The following ECM2 variants were observed in gnomAD, a reference collection of about 807,000 sequenced individuals.
ECM2 encodes the protein extracellular matrix protein 2, female organ and adipocyte specific.
ECM2 carries 57 observed loss-of-function variants against 67.5 expected under a neutral mutation model. The observed-to-expected ratio is 0.84, with a 90% CI of 0.68 to 1.05. The LOEUF is 1.05. Among genes scored for constraint, ECM2 ranks in the 50% least tolerant of loss-of-function variants. The probability of loss-of-function intolerance (pLI) is 0.00; values close to 1 mark genes in which losing one functional copy is unlikely to be tolerated. For synonymous variants in ECM2, 258 were observed against 294.5 expected (o/e 0.88, Z 1.27); for missense variants, 741 against 822.8 (o/e 0.90, Z 1.22).
intron 9 of ECM2, among the ~76,000 whole-genome samples, chr9:92,496,932 A>G (rs1846378667): frequency 6.6e-6 from 1 of 150,778 alleles, no homozygotes; most frequent in Non-Finnish European, 1.5e-5. Flanking sequence ...TTTTATTTAT[A>G]AGGTTTGCAA....
chr9:92,530,375 C>T (rs983489081), intron 1 of ECM2, among the ~76,000 whole-genome samples: 124 of 152,126 alleles, frequency 8.2e-4, no homozygotes, highest in African/African-American at 2.8e-3. Flanking sequence ...CTGTACTTTC[C>T]ACTCAGTTTG....
intron 2 of ECM2, among the ~76,000 whole-genome samples, chr9:92,520,380 ATTAGTTG>A (rs1847991071): frequency 6.6e-6 from 1 of 152,192 alleles, no homozygotes; most frequent in African/African-American, 2.4e-5. Flanking sequence ...GCTTAACATC[ATTAGTTG>A]TTAGGGAAAT....
chr9:92,517,571 T>G, intron 3 of ECM2, 116 bp downstream of exon 3: 1 of 1,392,050 alleles, frequency 7.2e-7, no homozygotes, highest in South Asian at 1.3e-5. Context: ...TGCCAATATT[T>G]TAAGTACTCA....
rs188372049 is a variant in ECM2 at position 92,516,072 on chromosome 9, T to C, written c.482-869A>G. Reference sequence around the variant, plus strand: ...TGATTTCACAGTGCATACTTTTTTTTCCCCCCCCCGAGACGGAGTCTTGCT... The same window carrying C: ...TGATTTCACAGTGCATACTTTTTTTCCCCCCCCCCGAGACGGAGTCTTGCT... On this transcript the variant is annotated intron_variant, in intron 3 of 9. Coordinates refer to ENST00000344604, the MANE Select transcript of ECM2 (RefSeq NM_001393.4). 4.9e-3 allele frequency among the ~76,000 whole-genome samples: 679 copies of C among 139,794 alleles called. 20 individuals carry two copies. The highest frequency in any genetic ancestry group is 0.044 in the South Asian group (178 of 4,056). 91.7% of individuals were successfully genotyped at this position (139,794 alleles called of 152,430 possible). A position where few individuals can be genotyped will look rare whatever the true frequency, so the allele number is the denominator to read the frequency against.
rs190919169 is a variant in ECM2 at position 92,530,616 on chromosome 9, A to C, written c.-28+5317T>G. Reference sequence around the variant, plus strand: ...GTCGTTATATCTTTCTGGTGCATTTATCATTAGGTGGATACTTTCAGTGTC... The same window carrying C: ...GTCGTTATATCTTTCTGGTGCATTTCTCATTAGGTGGATACTTTCAGTGTC... On this transcript the variant is annotated intron_variant, in intron 1 of 9. Transcript: ENST00000344604. Among the ~76,000 whole-genome samples the C allele has an allele frequency of 7.9e-4, 121 of 152,244 alleles. 1 individual carries two copies. The highest frequency in any genetic ancestry group is 2.8e-3 in the African/African-American group (116 of 41,542).
chr9:92,556,846 C>T, the ECM2 span, among the ~76,000 whole-genome samples: 1 of 152,122 alleles, frequency 6.6e-6, no homozygotes, highest in African/African-American at 2.4e-5. Context: ...ATCCATCCTG[C>T]TCTTTGTTGC....
At chr9:92,536,288 CTG>C (rs1563993241), upstream of ECM2, among the ~76,000 whole-genome samples, 1 of 152,024 alleles carries the variant, frequency 6.6e-6, no homozygotes, top group African/African-American at 2.4e-5. Flanking sequence ...ATTAAGAAAT[CTG>C]TGGTTTTCAT....
intron 6 of ECM2, among the ~76,000 whole-genome samples, chr9:92,506,083 A>C (rs781018996): frequency 2.6e-5 from 4 of 152,246 alleles, no homozygotes; most frequent in Non-Finnish European, 4.4e-5. Flanking sequence ...AGTTGTGGAC[A>C]GTCATTGGAA....
the ECM2 span, among the ~76,000 whole-genome samples, chr9:92,552,153 A>C: frequency 1.4e-5 from 2 of 141,958 alleles, no homozygotes; most frequent in South Asian, 4.5e-4. Context: ...GATATGATAG[A>C]TCTATCATAT....
chr9:92,553,757 A>G, the ECM2 span, among the ~76,000 whole-genome samples: 4 of 152,310 alleles, frequency 2.6e-5, no homozygotes, highest in South Asian at 6.2e-4. Context: ...ATTTGTATAC[A>G]TTAATCTTGT....
At chr9:92,516,558 CAGA>C (rs1847737108) in intron 3 of ECM2, among the ~76,000 whole-genome samples, 1 of 152,078 alleles carries the variant, frequency 6.6e-6, no homozygotes, top group African/African-American at 2.4e-5. Context: ...GCAAAACATG[CAGA>C]AGAATAGGAA....
At chr9:92,512,165 T>C in intron 4 of ECM2, 39 bp from the exon 5 acceptor site, 1 of 1,410,424 alleles carries the variant, frequency 7.1e-7, no homozygotes, top group South Asian at 1.2e-5. Flanking sequence ...CATGTGTGCA[T>C]ATACATACAT....
At chr9:92,558,349 T>C in the ECM2 span, among the ~76,000 whole-genome samples, 1 of 152,188 alleles carries the variant, frequency 6.6e-6, no homozygotes, top group Non-Finnish European at 1.5e-5. Flanking sequence ...GATGTAGTAC[T>C]CTCCTCCTTT....
At chr9:92,552,024 ATCTATCATATATGTGATATTATAGG>A in the ECM2 span, among the ~76,000 whole-genome samples, 20,635 of 124,580 alleles carry the variant, frequency 0.17, 4,944 homozygotes, top group African/African-American at 0.35. Flanking sequence ...GATATGATAG[ATCTATCATATATGTGATATTATAGG>A]TCTATCATAT....
intron 2 of ECM2, among the ~76,000 whole-genome samples, chr9:92,518,874 G>A (rs1376964495): frequency 6.6e-6 from 1 of 152,174 alleles, no homozygotes; most frequent in Non-Finnish European, 1.5e-5. Flanking sequence ...GGATGACAGA[G>A]CAAGACTGTC....
the ECM2 span, among the ~76,000 whole-genome samples, chr9:92,545,485 G>A: frequency 1.3e-5 from 2 of 152,290 alleles, no homozygotes; most frequent in Middle Eastern, 3.4e-3. Context: ...CTGCCTCCCC[G>A]CGGGGCAGGG....
At position 92,496,370 on chromosome 9, in the gene ECM2, A is replaced by C; in HGVS notation, c.2045T>G (p.Phe682Cys). 6.2e-7 allele frequency: 1 copy of C among 1,606,286 alleles called. No individual in the cohort carries two copies. Among genetic ancestry groups the C allele is most frequent in the Non-Finnish European group, 8.5e-7 (1 of 1,177,440 alleles). The stretch of plus-strand genomic sequence containing the variant: ...ACTTGAGTATGATCTTATGCATGAA[A>C]ATGTGTAAGATGGTATTTCTCTAAT... Reference protein sequence around the residue: ...IKIREIPSYTFSCIRSYSSIV... With the variant: ...IKIREIPSYTCSCIRSYSSIV... Residue 682 changes from phenylalanine to cysteine, a missense_variant, in exon 10 of 10, where the codon TTT (phenylalanine) becomes TGT (cysteine). Physicochemically the swap from Phe to Cys is radical, Grantham distance 205. Coordinates refer to ENST00000344604, the MANE Select transcript of ECM2 (RefSeq NM_001393.4).
chr9:92,532,000 C>CTTTT (rs1226576313), intron 1 of ECM2, among the ~76,000 whole-genome samples: 2 of 92,472 alleles, frequency 2.2e-5, no homozygotes, highest in African/African-American at 6.5e-5. Context: ...TTTTCTTTTT[C>CTTTT]TTTTTTTATT....
the ECM2 span, among the ~76,000 whole-genome samples, chr9:92,546,336 CCTTCCACTGTGTGGAAG>C: frequency 6.6e-6 from 1 of 152,124 alleles, no homozygotes; most frequent in Non-Finnish European, 1.5e-5. Flanking sequence ...CCAGAGGTCC[CCTTCCACTGTGTGGAAG>C]CTTTGTTCTT....
Sources: gnomAD v4.1 joint callset for allele counts (sites outside exome capture counted in the v4.1 genomes callset) on GRCh38, gnomAD v4.1.1 for gene constraint, MANE v1.5 for transcripts, NCBI Gene and HGNC (gene_info 2026-07-23, HGNC 2026-07-21) for gene names.